FAF1: variants seen among roughly 807,000 people sequenced by gnomAD.
The protein encoded by FAF1 is FAS-associated factor 1.
Under a neutral mutation model 92.5 loss-of-function variants are expected in FAF1, and 25 were observed. The ratio of observed to expected loss-of-function variants is 0.27; its 90% CI spans 0.20 to 0.38. FAF1 has a LOEUF of 0.38. Among genes scored for constraint, FAF1 ranks in the 10% least tolerant of loss-of-function variants. The pLI is 1.00. For synonymous variants in FAF1, 234 were observed against 273.2 expected, an observed-to-expected ratio of 0.86 and a Z score of 1.42; for missense variants, 636 against 793.3, an observed-to-expected ratio of 0.80 and a Z score of 2.38.
At chr1:50,587,163 A>G (rs897202309) in intron 9 of FAF1, among the ~76,000 whole-genome samples, 7 of 152,166 alleles carry the variant, frequency 4.6e-5, no homozygotes, top group Non-Finnish European at 7.4e-5. Flanking sequence ...CTCTTTCTCC[A>G]AATCCTGTTC....
intron 14 of FAF1, among the ~76,000 whole-genome samples, chr1:50,537,606 CAT>C (rs1436681668): frequency 2.0e-5 from 3 of 151,992 alleles, no homozygotes; most frequent in Non-Finnish European, 4.4e-5. Flanking sequence ...ATAATAAACC[CAT>C]TACATGTTAA....
At chr1:50,774,660 C>A (rs1369728825) in intron 4 of FAF1, among the ~76,000 whole-genome samples, 1 of 152,070 alleles carries the variant, frequency 6.6e-6, no homozygotes, top group African/African-American at 2.4e-5. Flanking sequence ...GCCTACTAGG[C>A]TCCAGTAAAT....
At chr1:50,612,619 CA>C (rs776032062) in intron 8 of FAF1, 91 of 335,378 alleles carry the variant, frequency 2.7e-4, no homozygotes, top group Non-Finnish European at 3.6e-4. Context: ...ATTTTTCCAG[CA>C]GCATCTAATT....
chr1:50,662,940 G>C (rs1655448295), intron 7 of FAF1, among the ~76,000 whole-genome samples: 1 of 151,316 alleles, frequency 6.6e-6, no homozygotes, highest in South Asian at 2.1e-4. Context: ...CTCGTGATCC[G>C]CCCGCCTTGG....
At chr1:50,660,900 G>A (rs779708661) in intron 7 of FAF1, among the ~76,000 whole-genome samples, 14 of 152,010 alleles carry the variant, frequency 9.2e-5, no homozygotes, top group Non-Finnish European at 1.8e-4. Flanking sequence ...AAACATGATC[G>A]TTTCTGATTT....
intron 6 of FAF1, among the ~76,000 whole-genome samples, chr1:50,706,518 A>C (rs1657680529): frequency 6.6e-6 from 1 of 152,210 alleles, no homozygotes; most frequent in African/African-American, 2.4e-5. Context: ...AACCATGAAG[A>C]GTATTTGAAA....
intron 1 of FAF1, among the ~76,000 whole-genome samples, chr1:50,887,307 T>C (rs910421880): frequency 2.0e-5 from 3 of 152,196 alleles, no homozygotes; most frequent in Admixed American, 6.5e-5. Flanking sequence ...TTGAAAAAAT[T>C]TTCTCCCATT....
chr1:50,462,175 G>C (rs1421267528), intron 18 of FAF1: 1 of 151,640 alleles, frequency 6.6e-6, no homozygotes, highest in African/African-American at 2.4e-5. Context: ...ATTCTGCTTT[G>C]TATCCTTTTG....
rs58946586 is a variant in FAF1, at chr1:50,678,776, CAAAAAAAAAAAAAAA to C, written c.658-23263_658-23249del. 9.5e-3 allele frequency among the ~76,000 whole-genome samples: 132 copies of C among 13,942 alleles called. 2 individuals are homozygous for C. Among genetic ancestry groups the C allele is most frequent in the African/African-American group, 0.023 (122 of 5,398 alleles). The allele number at this position is 13,942 out of a possible 152,430, so 9.1% of individuals were successfully genotyped here. ...GACTGGTGACAGAGAGACTCCATCT[CAAAAAAAAAAAAAAA>C]AAAAAAAAAAAAAGGCCAGTCATGG... On this transcript the variant is annotated intron_variant, in intron 7 of 18. Coordinates refer to ENST00000396153, the MANE Select transcript of FAF1 (RefSeq NM_007051.3).
intron 18 of FAF1, among the ~76,000 whole-genome samples, chr1:50,449,489 CTT>C (rs373425527): frequency 1.8e-4 from 23 of 124,544 alleles, no homozygotes; most frequent in South Asian, 2.6e-4. Context: ...CTTTTTCTTT[CTT>C]TTTTTTTTTT....
chr1:50,718,113 G>A (rs1277572935), intron 6 of FAF1, among the ~76,000 whole-genome samples: 3 of 151,918 alleles, frequency 2.0e-5, no homozygotes, highest in East Asian at 1.9e-4. Context: ...TCCGCCTCCC[G>A]AGTTCAAGCG....
chr1:50,679,282 C>T (rs535743338), intron 7 of FAF1, among the ~76,000 whole-genome samples: 1 of 150,730 alleles, frequency 6.6e-6, no homozygotes, highest in Admixed American at 6.6e-5. Flanking sequence ...TATGGAGTAA[C>T]CATTCTTTAT....
At chr1:50,626,214 T>G (rs2124192744) in intron 8 of FAF1, among the ~76,000 whole-genome samples, 1 of 152,322 alleles carries the variant, frequency 6.6e-6, no homozygotes, top group South Asian at 2.1e-4. Context: ...ATGTCACAGT[T>G]GTTAAGAATT....
intron 6 of FAF1, among the ~76,000 whole-genome samples, chr1:50,736,678 G>A (rs1659152950): frequency 6.6e-6 from 1 of 152,150 alleles, no homozygotes; most frequent in Non-Finnish European, 1.5e-5. Flanking sequence ...TTGAACCCAG[G>A]AGGCGGAGGT....
chr1:50,847,257 A>G (rs1644309148), intron 2 of FAF1, among the ~76,000 whole-genome samples: 1 of 151,948 alleles, frequency 6.6e-6, no homozygotes, highest in South Asian at 2.1e-4. Flanking sequence ...AATAAACGTG[A>G]TTTTAGAAAT....
intron 1 of FAF1, among the ~76,000 whole-genome samples, chr1:50,888,726 G>A (rs1644691811): frequency 6.6e-6 from 1 of 152,130 alleles, no homozygotes; most frequent in African/African-American, 2.4e-5. Flanking sequence ...ACCTGATCAT[G>A]GTGGATAAGC....
At chr1:50,912,242 G>T (rs1443640303) in intron 1 of FAF1, among the ~76,000 whole-genome samples, 1 of 152,086 alleles carries the variant, frequency 6.6e-6, no homozygotes, top group Non-Finnish European at 1.5e-5. Flanking sequence ...AAGTGTTTAC[G>T]GTGTTGTCCT....
intron 3 of FAF1, among the ~76,000 whole-genome samples, chr1:50,799,279 GA>G (rs1661883735): frequency 6.6e-6 from 1 of 152,148 alleles, no homozygotes. Flanking sequence ...CTCTAACTTT[GA>G]ATTTCCTCAT....
intron 12 of FAF1, among the ~76,000 whole-genome samples, chr1:50,570,893 C>T (rs1027212588): frequency 1.3e-5 from 2 of 152,116 alleles, no homozygotes; most frequent in Admixed American, 1.3e-4. Flanking sequence ...AGCATATCAA[C>T]CAATTTGGAA....
Sources: gnomAD v4.1 joint callset for allele counts (sites outside exome capture counted in the v4.1 genomes callset) on GRCh38, gnomAD v4.1.1 for gene constraint, MANE v1.5 for transcripts, NCBI Gene and HGNC (gene_info 2026-07-23, HGNC 2026-07-21) for gene names.